The following CRCP variants were observed in gnomAD, a reference collection of about 807,000 sequenced individuals.
CRCP encodes the protein CGRP receptor component.
Under a neutral mutation model 18.5 loss-of-function variants are expected in CRCP, and 18 were observed. The ratio of observed to expected loss-of-function variants is 0.97; its 90% CI spans 0.67 to 1.44. The LOEUF (loss-of-function observed/expected upper bound fraction) is 1.44. Among genes scored for constraint, CRCP ranks in the 40% most tolerant of loss-of-function variants. The pLI is 0.00. For missense variants in CRCP, 130 were observed against 176.4 expected, an observed-to-expected ratio of 0.74 and a Z score of 1.49; for synonymous variants, 53 against 62.9, an observed-to-expected ratio of 0.84 and a Z score of 0.75.
intron 4 of CRCP, 84 bp downstream of exon 4, chr7:66,134,458 C>CG (rs1265606318): frequency 6.8e-6 from 7 of 1,024,452 alleles, no homozygotes; most frequent in Non-Finnish European, 1.0e-5. Flanking sequence ...TATTGATATT[C>CG]GGCTGGGTTT....
chr7:66,115,962 A>G (rs1787248380), intron 1 of CRCP, among the ~76,000 whole-genome samples: 1 of 152,056 alleles, frequency 6.6e-6, no homozygotes, highest in African/African-American at 2.4e-5. Context: ...ACTCACCGCT[A>G]ATTTTTTAAA....
chr7:66,130,725 T>G lies in CRCP; in HGVS notation c.46-19T>G, dbSNP rs747518237. 6.8e-7 allele frequency: 1 copy of G among 1,469,620 alleles called. No homozygotes were observed. Among genetic ancestry groups the G allele is most frequent in the Non-Finnish European group, 9.5e-7 (1 of 1,056,700 alleles). The allele number at this position is 1,469,620 out of a possible 1,614,324, so 91.0% of individuals were successfully genotyped here. On this transcript the variant is annotated intron_variant, in intron 2 of 5. Transcript: ENST00000395326. ...TTCTCAAATTTATTCATAAACGTCT[T>G]TTTTGTATCTCCTCCTAGGTATTTC...
intron 4 of CRCP, among the ~76,000 whole-genome samples, chr7:66,141,333 T>TC (rs1435702092): frequency 7.2e-5 from 11 of 152,322 alleles, no homozygotes; most frequent in African/African-American, 2.6e-4. Context: ...TTCTATTTTT[T>TC]CATAGTCATT....
At chr7:66,123,055 C>CG (rs1787498831) in intron 1 of CRCP, among the ~76,000 whole-genome samples, 1 of 151,252 alleles carries the variant, frequency 6.6e-6, no homozygotes, top group Admixed American at 6.6e-5. Context: ...CCCGGGTTCA[C>CG]GCCATTCTCC....
At chr7:66,127,013 G>A (rs1787635372) in intron 1 of CRCP, among the ~76,000 whole-genome samples, 1 of 152,172 alleles carries the variant, frequency 6.6e-6, no homozygotes, top group Non-Finnish European at 1.5e-5. Flanking sequence ...AAAACTTAAG[G>A]AGTAATTAAC....
At chr7:66,130,087 A>G (rs759009548) in intron 2 of CRCP, 17 of 309,726 alleles carry the variant, frequency 5.5e-5, no homozygotes, top group African/African-American at 3.2e-4. Context: ...TATACTAGAG[A>G]AGCAGGATTC....
chr7:66,135,929 A>T (rs1006451077), intron 4 of CRCP, among the ~76,000 whole-genome samples: 5 of 152,186 alleles, frequency 3.3e-5, no homozygotes, highest in African/African-American at 1.2e-4. Flanking sequence ...CTCAAAAAAA[A>T]AAAAAAATCT....
At chr7:66,142,566 T>C (rs991947799) in intron 4 of CRCP, among the ~76,000 whole-genome samples, 1 of 152,182 alleles carries the variant, frequency 6.6e-6, no homozygotes, top group South Asian at 2.1e-4. Context: ...TGATCATAGC[T>C]CACTGAAGCC....
intron 2 of CRCP, among the ~76,000 whole-genome samples, chr7:66,129,413 G>C (rs971767751): frequency 1.3e-5 from 2 of 152,138 alleles, no homozygotes; most frequent in African/African-American, 4.8e-5. Flanking sequence ...GCAGAGGGGA[G>C]GTTCGCTTGA....
chr7:66,132,395 C>G (rs79639135), intron 3 of CRCP, among the ~76,000 whole-genome samples: 27 of 152,250 alleles, frequency 1.8e-4, no homozygotes, highest in Non-Finnish European at 2.9e-4. Context: ...TGTAGAATGT[C>G]TGTTGATTTG....
At chr7:66,135,051 G>A (rs2115963788) in intron 4 of CRCP, among the ~76,000 whole-genome samples, 1 of 152,188 alleles carries the variant, frequency 6.6e-6, no homozygotes, top group South Asian at 2.1e-4. Context: ...ATGTGAACAG[G>A]GCCAACCATT....
intron 1 of CRCP, among the ~76,000 whole-genome samples, chr7:66,127,284 C>T (rs1408480737): frequency 6.6e-6 from 1 of 152,222 alleles, no homozygotes; most frequent in African/African-American, 2.4e-5. Context: ...GCCACCCTGA[C>T]TGTACCTGTT....
At chr7:66,135,067 GTTA>G (rs968461149) in intron 4 of CRCP, among the ~76,000 whole-genome samples, 7 of 152,170 alleles carry the variant, frequency 4.6e-5, no homozygotes, top group African/African-American at 1.7e-4. Flanking sequence ...CCATTTCTAT[GTTA>G]TTAACACTGC....
At chr7:66,141,401 G>C (rs1489649383) in intron 4 of CRCP, among the ~76,000 whole-genome samples, 1 of 152,004 alleles carries the variant, frequency 6.6e-6, no homozygotes, top group Non-Finnish European at 1.5e-5. Flanking sequence ...CCTCTGATCT[G>C]CTCTCTGGTC....
At chr7:66,116,463 A>C (rs1487627301) in intron 1 of CRCP, among the ~76,000 whole-genome samples, 1 of 148,502 alleles carries the variant, frequency 6.7e-6, no homozygotes, top group Non-Finnish European at 1.5e-5. Context: ...CACTCCTGCC[A>C]GAGTGACAGT....
intron 1 of CRCP, among the ~76,000 whole-genome samples, chr7:66,125,674 T>G (rs1247381402): frequency 6.7e-6 from 1 of 149,234 alleles, no homozygotes; most frequent in Non-Finnish European, 1.5e-5. Flanking sequence ...ATTGACTTGT[T>G]TAGTGGGGTA....
At chr7:66,121,033 A>ACATCAT (rs937639656) in intron 1 of CRCP, among the ~76,000 whole-genome samples, 2 of 38,078 alleles carry the variant, frequency 5.3e-5, no homozygotes, top group African/African-American at 2.1e-4. Context: ...AGTAACTAAT[A>ACATCAT]CATAATAATA....
chr7:66,123,482 C>T (rs937819091), intron 1 of CRCP, among the ~76,000 whole-genome samples: 26 of 152,134 alleles, frequency 1.7e-4, no homozygotes, highest in African/African-American at 6.3e-4. Context: ...GGTATGGTGG[C>T]TCACGCCTGT....
At chr7:66,131,649 C>G (rs568505406) in intron 3 of CRCP, among the ~76,000 whole-genome samples, 2 of 151,926 alleles carry the variant, frequency 1.3e-5, no homozygotes, top group African/African-American at 4.8e-5. Context: ...ATTATAATTC[C>G]TCCGAAATTT....
Sources: gnomAD v4.1 joint callset for allele counts (sites outside exome capture counted in the v4.1 genomes callset) on GRCh38, gnomAD v4.1.1 for gene constraint, MANE v1.5 for transcripts, NCBI Gene and HGNC (gene_info 2026-07-23, HGNC 2026-07-21) for gene names.